DPH6: variants seen among roughly 807,000 people sequenced by gnomAD.
DPH6 encodes the protein diphthine--ammonia ligase.
Under a neutral mutation model 38.2 loss-of-function variants are expected in DPH6, and 33 were observed. That is an observed-to-expected ratio of 0.86 (90% CI 0.65 to 1.15). DPH6 has a LOEUF of 1.15. Among genes scored for constraint, DPH6 ranks in the 50% most tolerant of loss-of-function variants. The pLI is 0.00. For missense variants in DPH6, 325 were observed against 320.0 expected (o/e 1.02, Z -0.12); for synonymous variants, 108 against 103.0 (o/e 1.05, Z -0.30).
intron 3 of DPH6, chr15:35,298,757 G>A (rs2052032604): frequency 3.4e-6 from 5 of 1,476,068 alleles, no homozygotes; most frequent in African/African-American, 1.4e-5. Flanking sequence ...CCCCAAGTTA[G>A]CGAGGAAGGA....
intron 3 of DPH6, among the ~76,000 whole-genome samples, chr15:35,465,776 T>G (rs1424299251): frequency 6.6e-6 from 1 of 152,224 alleles, no homozygotes; most frequent in Non-Finnish European, 1.5e-5. Flanking sequence ...TTTGTAGTAT[T>G]ATTATCTCCC....
At chr15:35,399,485 A>G (rs763678651) in intron 6 of DPH6, among the ~76,000 whole-genome samples, 48 of 152,316 alleles carry the variant, frequency 3.2e-4, no homozygotes, top group Non-Finnish European at 6.5e-4. Context: ...CACTAATGAA[A>G]TAATTCAAGG....
At chr15:35,324,729 A>T (rs2052268505) in intron 3 of DPH6, among the ~76,000 whole-genome samples, 2 of 152,158 alleles carry the variant, frequency 1.3e-5, no homozygotes, top group South Asian at 4.1e-4. Flanking sequence ...CAAAACAAGC[A>T]CAAAAAAGAG....
chr15:35,508,112 C>G (rs72705144), intron 3 of DPH6, among the ~76,000 whole-genome samples: 3 of 151,960 alleles, frequency 2.0e-5, no homozygotes, highest in African/African-American at 7.3e-5. Context: ...ATTAATCTGC[C>G]GGCTGAATGA....
intron 3 of DPH6, chr15:35,282,452 T>C: frequency 5.5e-6 from 1 of 183,208 alleles, no homozygotes; most frequent in Non-Finnish European, 1.2e-5. Context: ...GCACTGGGAT[T>C]ACAGGTGTGA....
chr15:35,363,797 T>C (rs2052634108), intron 3 of DPH6, among the ~76,000 whole-genome samples: 3 of 151,958 alleles, frequency 2.0e-5, no homozygotes, highest in Admixed American at 2.0e-4. Flanking sequence ...CTCATTTATA[T>C]TATTTTAGTG....
At chr15:35,424,979 G>GAGAT (rs1468198689) in intron 5 of DPH6, among the ~76,000 whole-genome samples, 3 of 151,586 alleles carry the variant, frequency 2.0e-5, no homozygotes, top group Admixed American at 2.0e-4. Context: ...CCTGTGTTGT[G>GAGAT]AGATAGAATT....
chr15:35,537,517 TATTA>T (rs974227427), intron 3 of DPH6, among the ~76,000 whole-genome samples: 5 of 152,146 alleles, frequency 3.3e-5, no homozygotes, highest in Admixed American at 1.3e-4. Context: ...AAATCATCCT[TATTA>T]ATTACCATTT....
At chr15:35,529,978 A>T in intron 3 of DPH6, among the ~76,000 whole-genome samples, 1 of 152,178 alleles carries the variant, frequency 6.6e-6, no homozygotes, top group East Asian at 1.9e-4. Context: ...AGGCACGACA[A>T]ATATGCTGAC....
At chr15:35,345,425 A>G (rs2140883747) in intron 3 of DPH6, among the ~76,000 whole-genome samples, 1 of 151,936 alleles carries the variant, frequency 6.6e-6, no homozygotes, top group Non-Finnish European at 1.5e-5. Context: ...TCTTGTCTCT[A>G]AACTCAAATG....
chr15:35,229,050 G>A (rs2051500670), intron 3 of DPH6, among the ~76,000 whole-genome samples: 1 of 151,850 alleles, frequency 6.6e-6, no homozygotes, highest in African/African-American at 2.4e-5. Context: ...AAATCTTCTG[G>A]GTGTTCTATA....
chr15:35,385,953 T>G (rs9672553), intron 6 of DPH6, among the ~76,000 whole-genome samples: 151,820 of 151,832 alleles, frequency 1, 75,904 homozygotes, highest in Middle Eastern at 1. Flanking sequence ...CCATTAACTC[T>G]TCATTTAGCA....
At chr15:35,208,557 G>C in the DPH6 span, among the ~76,000 whole-genome samples, 1 of 152,180 alleles carries the variant, frequency 6.6e-6, no homozygotes, top group Non-Finnish European at 1.5e-5. Context: ...ATCTGCAAGA[G>C]GCAGCATGAC....
chr15:35,206,069 T>A, the DPH6 span, among the ~76,000 whole-genome samples: 1 of 152,040 alleles, frequency 6.6e-6, no homozygotes, highest in Non-Finnish European at 1.5e-5. Flanking sequence ...GTAGAAGTTT[T>A]AGAATGACTA....
At chr15:35,223,444 T>G (rs1014498932) in intron 3 of DPH6, among the ~76,000 whole-genome samples, 2 of 152,124 alleles carry the variant, frequency 1.3e-5, no homozygotes, top group African/African-American at 2.4e-5. Flanking sequence ...CCCTGCACTT[T>G]GGGAGGCCAA....
chr15:35,244,877 T>A (rs192520841), intron 3 of DPH6, among the ~76,000 whole-genome samples: 1 of 152,320 alleles, frequency 6.6e-6, no homozygotes, highest in African/African-American at 2.4e-5. Context: ...TTTTGGAATT[T>A]GATTTTCTTA....
chr15:35,213,992 G>C (rs1445956853), downstream of DPH6, among the ~76,000 whole-genome samples: 1 of 152,012 alleles, frequency 6.6e-6, no homozygotes, highest in Non-Finnish European at 1.5e-5. Flanking sequence ...GGCGCCTGTA[G>C]TCCCAGCTAC....
At chr15:35,178,500 G>A in the DPH6 span, among the ~76,000 whole-genome samples, 7 of 152,070 alleles carry the variant, frequency 4.6e-5, no homozygotes, top group East Asian at 9.6e-4. Flanking sequence ...GGAAAGACCC[G>A]CCCCCATGAT....
At chr15:35,408,027 AC>A (rs2053317612) in intron 6 of DPH6, among the ~76,000 whole-genome samples, 1 of 152,030 alleles carries the variant, frequency 6.6e-6, no homozygotes, top group Non-Finnish European at 1.5e-5. Context: ...AAGTAAGCAG[AC>A]CAGTTAGGGG....
Sources: allele counts gnomAD v4.1 joint callset (sites outside exome capture counted in the v4.1 genomes callset), GRCh38; gene constraint gnomAD v4.1.1; transcripts MANE v1.5; gene names NCBI Gene and HGNC (gene_info 2026-07-23, HGNC 2026-07-21).